Variants in ANKRD33B observed in about 807,000 individuals in gnomAD.
The protein encoded by ANKRD33B is ankyrin repeat domain-containing protein 33B.
Under a neutral mutation model 21.5 loss-of-function variants are expected in ANKRD33B, and 6 were observed. The ratio of observed to expected loss-of-function variants is 0.28; its 90% CI spans 0.15 to 0.55. The LOEUF is 0.55. Ranked by LOEUF, ANKRD33B falls within the 20% of genes least tolerant of loss-of-function variation. The pLI, the probability that ANKRD33B is intolerant of heterozygous loss-of-function variation, is 0.94. For missense variants in ANKRD33B, 698 were observed against 747.2 expected (o/e 0.93, Z 0.77); for synonymous variants, 347 against 342.4 (o/e 1.01, Z -0.15).
intron 2 of ANKRD33B, among the ~76,000 whole-genome samples, chr5:10,637,771 C>T (rs1189787241): frequency 1.3e-5 from 2 of 152,126 alleles, no homozygotes; most frequent in Non-Finnish European, 2.9e-5. Flanking sequence ...TGGGACAGCT[C>T]CTCCCTCGAG....
intron 1 of ANKRD33B, among the ~76,000 whole-genome samples, chr5:10,584,156 C>T (rs946745326): frequency 3.3e-5 from 5 of 152,134 alleles, no homozygotes; most frequent in African/African-American, 1.2e-4. Context: ...ACGTGTTTTA[C>T]CAAGAAATCA....
intron 1 of ANKRD33B, among the ~76,000 whole-genome samples, chr5:10,565,476 C>G (rs1201142376): frequency 6.6e-6 from 1 of 152,226 alleles, no homozygotes; most frequent in African/African-American, 2.4e-5. Context: ...CGCAGGTCAC[C>G]TTCGCGAGCC....
chr5:10,652,106 T>C lies in ANKRD33B; in HGVS notation c.*1993T>C, dbSNP rs1187180394. 1 of 152,372 alleles carries C rather than the reference T, an allele frequency of 6.6e-6. No homozygotes were observed. The highest frequency in any genetic ancestry group is 2.4e-5 in the African/African-American group (1 of 41,442). 9.4% of individuals were successfully genotyped at this position (152,372 alleles called of 1,614,324 possible). ...GTTGTCTTTCCTGAATCCTTTGGCA[T>C]GTGGCACCTTCCTGCCACATGTAGA... On this transcript the variant is annotated 3_prime_UTR_variant, in exon 4 of 4. Transcript: ENST00000296657. This position sits in a 1 kb window ranked among gnomAD's most constrained non-coding sequence, Gnocchi z 4.1.
At chr5:10,592,424 C>T (rs545732310) in intron 1 of ANKRD33B, among the ~76,000 whole-genome samples, 3 of 137,966 alleles carry the variant, frequency 2.2e-5, no homozygotes, top group Non-Finnish European at 4.6e-5. Context: ...ACTAGCCTGG[C>T]CAACATGGTG....
intron 1 of ANKRD33B, among the ~76,000 whole-genome samples, chr5:10,589,989 CTT>C (rs1335237089): frequency 2.7e-5 from 4 of 150,738 alleles, no homozygotes; most frequent in African/African-American, 4.9e-5. Context: ...TTTGATTAAA[CTT>C]ATCTTTTGAT....
chr5:10,640,920 A>C (rs1483343785), intron 3 of ANKRD33B, among the ~76,000 whole-genome samples: 2 of 152,198 alleles, frequency 1.3e-5, no homozygotes, highest in Non-Finnish European at 2.9e-5. Flanking sequence ...GGTACCCTCA[A>C]ACCCTCTTTC....
At chr5:10,616,806 C>T (rs1013759064) in intron 1 of ANKRD33B, among the ~76,000 whole-genome samples, 4 of 152,224 alleles carry the variant, frequency 2.6e-5, no homozygotes, top group Non-Finnish European at 5.9e-5. Flanking sequence ...GAGGTCTCTT[C>T]GTCAACTTGG....
At chr5:10,611,574 G>T (rs1389234939) in intron 1 of ANKRD33B, among the ~76,000 whole-genome samples, 1 of 152,162 alleles carries the variant, frequency 6.6e-6, no homozygotes, top group Non-Finnish European at 1.5e-5. Context: ...CGGTGCTGGG[G>T]CCACACCCTG....
chr5:10,579,050 A>G (rs1437473985), intron 1 of ANKRD33B, among the ~76,000 whole-genome samples: 2 of 151,620 alleles, frequency 1.3e-5, no homozygotes, highest in African/African-American at 2.4e-5. Flanking sequence ...TGTAATCCCA[A>G]CCACACAGGA....
Position 10,564,670 on chromosome 5 carries a change from G to A in ANKRD33B, c.203G>A (p.Gly68Asp). Residue 68 changes from glycine to aspartate, a missense_variant, in exon 1 of 4, where the codon GGC becomes GAC. By Grantham distance (94) the Gly-to-Asp change is moderately conservative. This residue lies in a region of ANKRD33B where 148 missense variants were observed against 154.9 expected (regional missense o/e 0.96). Coordinates refer to ENST00000296657, the MANE Select transcript of ANKRD33B (RefSeq NM_001164440.2). ...FYPFEDEEEH[G>D]VESAESVPEG... is the part of the protein sequence containing the mutation. ...CCTTTCGAGGACGAGGAGGAGCACGGCGTCGAGAGCGCGGAGAGCGTCCCG... is the reference window on the plus strand; with the variant it reads ...CCTTTCGAGGACGAGGAGGAGCACGACGTCGAGAGCGCGGAGAGCGTCCCG... The A allele has an allele frequency of 6.5e-7, 1 of 1,534,830 alleles. No homozygotes were observed. Among genetic ancestry groups the A allele is most frequent in the Non-Finnish European group, 8.7e-7 (1 of 1,146,524 alleles).
Position 10,649,785 on chromosome 5 carries a change from GCCTC to G in ANKRD33B, c.1164_1167del (p.Ala390TrpfsTer185). On this transcript the variant is annotated frameshift_variant, in exon 4 of 4. Coordinates refer to ENST00000296657, the MANE Select transcript of ANKRD33B (RefSeq NM_001164440.2). LOFTEE classifies it low-confidence loss of function (END_TRUNC). ...TCCCGGGAGGGCTCCCCGAGAGCCG[GCCTC>G]CCTCCCGCCCTGGGGTCCCGGGGCC... The G allele has an allele frequency of 1.4e-6, 2 of 1,400,822 alleles. No individual in the cohort carries two copies. Among genetic ancestry groups the G allele is most frequent in the Non-Finnish European group, 1.8e-6 (2 of 1,084,038 alleles). The allele number at this position is 1,400,822 out of a possible 1,614,324, so 86.8% of individuals were successfully genotyped here.
At chr5:10,622,407 T>G (rs1323643989) in intron 2 of ANKRD33B, among the ~76,000 whole-genome samples, 1 of 152,170 alleles carries the variant, frequency 6.6e-6, no homozygotes, top group Admixed American at 6.5e-5. Flanking sequence ...AAAGCCCATA[T>G]TTCTTTGTGG....
chr5:10,608,356 T>TAA lies in ANKRD33B; in HGVS notation c.367-9960_367-9959dup, dbSNP rs1218246439. 6.2e-3 allele frequency among the ~76,000 whole-genome samples: 668 copies of TAA among 108,418 alleles called. 5 individuals carry two copies. Among genetic ancestry groups the TAA allele is most frequent in the African/African-American group, 0.022 (628 of 29,150 alleles). 71.1% of individuals were successfully genotyped at this position (108,418 alleles called of 152,430 possible). ...CTAGGCAACAGAGCGAGACTCCATC[T>TAA]AAAAAAAAAAAAAAAAAAGAGCCGT... is the stretch of plus-strand genomic sequence containing the variant. On this transcript the variant is annotated intron_variant, in intron 1 of 3. Transcript: ENST00000296657.
At chr5:10,583,180 G>A (rs1048539122) in intron 1 of ANKRD33B, among the ~76,000 whole-genome samples, 5 of 151,972 alleles carry the variant, frequency 3.3e-5, no homozygotes, top group Non-Finnish European at 5.9e-5. Flanking sequence ...TGTATTGTTA[G>A]TAGAGACAGG....
intron 1 of ANKRD33B, among the ~76,000 whole-genome samples, chr5:10,568,209 A>G (rs532237202): frequency 6.6e-6 from 1 of 152,362 alleles, no homozygotes; most frequent in Admixed American, 6.5e-5. Flanking sequence ...CAACATGTAA[A>G]TATTTGTCAG....
chr5:10,621,323 C>G (rs1269431667), intron 2 of ANKRD33B, among the ~76,000 whole-genome samples: 1 of 152,132 alleles, frequency 6.6e-6, no homozygotes, highest in Non-Finnish European at 1.5e-5. Context: ...CTCATTCACA[C>G]TAAATGTTAT....
intron 1 of ANKRD33B, among the ~76,000 whole-genome samples, chr5:10,581,881 T>G (rs2126553112): frequency 6.6e-6 from 1 of 152,324 alleles, no homozygotes; most frequent in East Asian, 1.9e-4. Flanking sequence ...CACAATCTCA[T>G]GAGCCAGTTT....
chr5:10,567,687 A>G (rs530084347), intron 1 of ANKRD33B, among the ~76,000 whole-genome samples: 2 of 152,324 alleles, frequency 1.3e-5, no homozygotes, highest in Non-Finnish European at 2.9e-5. Flanking sequence ...AATTATAAAT[A>G]GGATGGTCAT....
chr5:10,650,335 C>T lies in ANKRD33B; in HGVS notation c.*222C>T. On this transcript the variant is annotated 3_prime_UTR_variant, in exon 4 of 4. Coordinates refer to ENST00000296657, the MANE Select transcript of ANKRD33B (RefSeq NM_001164440.2). ...CCAGCCCTCCTAGCAATCAGTACAC[C>T]TAGCGGGCACGTTGCCTAAAAGGCT... 2.6e-6 allele frequency: 1 copy of T among 387,564 alleles called. No homozygotes were observed. The highest frequency in any genetic ancestry group is 4.4e-6 in the Non-Finnish European group (1 of 226,400). 24.0% of individuals were successfully genotyped at this position (387,564 alleles called of 1,614,324 possible). A position where few individuals can be genotyped will look rare whatever the true frequency, so the allele number is the denominator to read the frequency against.
Sources: allele counts gnomAD v4.1 joint callset (sites outside exome capture counted in the v4.1 genomes callset), GRCh38; gene constraint gnomAD v4.1.1; regional missense constraint gnomAD v4.1.1; non-coding constraint Gnocchi (gnomAD v3.1); transcripts MANE v1.5; gene names NCBI Gene and HGNC (gene_info 2026-07-23, HGNC 2026-07-21).